Variants in GRID1 observed in about 807,000 individuals in gnomAD.
GRID1 encodes glutamate receptor ionotropic, delta-1.
A neutral mutation model predicts 98.0 loss-of-function variants in GRID1; 28 were observed. That is an observed-to-expected ratio of 0.29 (90% confidence interval 0.21 to 0.39). The LOEUF is 0.39. Ranked by LOEUF, GRID1 falls within the 10% of genes least tolerant of loss-of-function variation. The pLI, the probability that GRID1 is intolerant of heterozygous loss-of-function variation, is 1.00. For synonymous variants in GRID1, 553 were observed against 538.5 expected (o/e 1.03, Z -0.37); for missense variants, 1,111 against 1,340.5 (o/e 0.83, Z 2.67).
At chr10:86,347,574 A>G (rs1346382522) in intron 2 of GRID1, among the ~76,000 whole-genome samples, 1 of 152,212 alleles carries the variant, frequency 6.6e-6, no homozygotes, top group Admixed American at 6.5e-5. Flanking sequence ...CTCATTAGAC[A>G]TCAGCCTGCA....
intron 5 of GRID1, among the ~76,000 whole-genome samples, chr10:85,901,950 A>G (rs1841395141): frequency 6.6e-6 from 1 of 152,262 alleles, no homozygotes; most frequent in Non-Finnish European, 1.5e-5. Flanking sequence ...TGTGATTAAC[A>G]TATAGAAGTG....
At chr10:86,230,841 A>G (rs1402821266) in intron 2 of GRID1, among the ~76,000 whole-genome samples, 1 of 151,890 alleles carries the variant, frequency 6.6e-6, no homozygotes, top group Non-Finnish European at 1.5e-5. Context: ...TGTCCAACCC[A>G]TCTATCCATC....
At chr10:85,608,426 A>G (rs571214494) in intron 15 of GRID1, among the ~76,000 whole-genome samples, 1 of 152,340 alleles carries the variant, frequency 6.6e-6, no homozygotes, top group South Asian at 2.1e-4. Context: ...ATCCAGGTGC[A>G]ATGATTACAC....
intron 8 of GRID1, among the ~76,000 whole-genome samples, chr10:85,784,780 G>A (rs937295963): frequency 2.6e-5 from 4 of 152,218 alleles, no homozygotes; most frequent in Non-Finnish European, 4.4e-5. Flanking sequence ...TAAGGACGAG[G>A]TGTGCATGCT....
intron 4 of GRID1, among the ~76,000 whole-genome samples, chr10:86,044,252 C>T (rs1044214512): frequency 6.6e-6 from 1 of 152,270 alleles, no homozygotes; most frequent in African/African-American, 2.4e-5. Flanking sequence ...CATTTCATTG[C>T]ATTGTTTATT....
intron 4 of GRID1, among the ~76,000 whole-genome samples, chr10:86,062,526 A>G (rs1843663787): frequency 6.6e-6 from 1 of 152,076 alleles, no homozygotes; most frequent in Non-Finnish European, 1.5e-5. Context: ...CTTGTACCAG[A>G]ACCCTCATTT....
chr10:85,752,077 A>G (rs1480243597), intron 8 of GRID1, among the ~76,000 whole-genome samples: 1 of 152,152 alleles, frequency 6.6e-6, no homozygotes, highest in Non-Finnish European at 1.5e-5. Context: ...GAATAGACAA[A>G]CTGTAGAAAG....
At chr10:86,356,711 A>T (rs557403497) in intron 2 of GRID1, among the ~76,000 whole-genome samples, 1 of 152,348 alleles carries the variant, frequency 6.6e-6, no homozygotes, top group South Asian at 2.1e-4. Context: ...GTCTCCCCTG[A>T]CTCATACAAC....
intron 2 of GRID1, among the ~76,000 whole-genome samples, chr10:86,298,579 T>C (rs1847629840): frequency 6.6e-6 from 1 of 152,172 alleles, no homozygotes; most frequent in Admixed American, 6.5e-5. Flanking sequence ...GCTTCTACTG[T>C]GCTTCTCCTG....
chr10:86,189,718 C>A (rs550778837), intron 3 of GRID1, among the ~76,000 whole-genome samples: 8 of 152,226 alleles, frequency 5.3e-5, no homozygotes, highest in Admixed American at 2.0e-4. Flanking sequence ...TATCAGCATC[C>A]CTGGCCTCTA....
intron 4 of GRID1, among the ~76,000 whole-genome samples, chr10:86,065,860 T>C (rs1197146605): frequency 6.6e-6 from 1 of 152,214 alleles, no homozygotes; most frequent in Non-Finnish European, 1.5e-5. Flanking sequence ...CTCAAGATCC[T>C]TCTAGATGTG....
intron 13 of GRID1, among the ~76,000 whole-genome samples, chr10:85,628,952 C>T (rs1308868708): frequency 2.0e-5 from 3 of 152,060 alleles, no homozygotes; most frequent in Non-Finnish European, 4.4e-5. Context: ...ATGAGGGCAG[C>T]CCTTAGCTTT....
chr10:86,305,709 C>G (rs1355952425), intron 2 of GRID1, among the ~76,000 whole-genome samples: 1 of 152,158 alleles, frequency 6.6e-6, no homozygotes, highest in Non-Finnish European at 1.5e-5. Context: ...AAGGTCTTCC[C>G]CTGGGGCCAG....
At chr10:86,043,902 T>C (rs1843383162) in intron 4 of GRID1, among the ~76,000 whole-genome samples, 1 of 152,154 alleles carries the variant, frequency 6.6e-6, no homozygotes, top group Non-Finnish European at 1.5e-5. Flanking sequence ...CAAATTTTAG[T>C]GATGATTAAT....
intron 2 of GRID1, among the ~76,000 whole-genome samples, chr10:86,318,179 C>T (rs1210780809): frequency 1.3e-5 from 2 of 152,226 alleles, no homozygotes; most frequent in African/African-American, 2.4e-5. Context: ...CCCCTCCAGG[C>T]AGGCAGGAAA....
At chr10:86,336,629 G>A (rs1848225488) in intron 2 of GRID1, among the ~76,000 whole-genome samples, 1 of 152,206 alleles carries the variant, frequency 6.6e-6, no homozygotes, top group African/African-American at 2.4e-5. Context: ...CACCCAGTAG[G>A]CTCCAGGGCT....
chr10:85,614,655 A>G (rs1166884590), intron 14 of GRID1, among the ~76,000 whole-genome samples: 1 of 152,188 alleles, frequency 6.6e-6, no homozygotes, highest in East Asian at 1.9e-4. Context: ...AAGAAGCAGA[A>G]AAATGGCCAG....
chr10:86,035,099 A>G (rs1384816730), intron 4 of GRID1, among the ~76,000 whole-genome samples: 1 of 152,120 alleles, frequency 6.6e-6, no homozygotes, highest in Non-Finnish European at 1.5e-5. Context: ...TGTCTTTGGG[A>G]CAAGATCTCT....
chr10:85,613,712 G>T (rs992559580), intron 14 of GRID1, 65 bp from the exon 15 acceptor site: 2 of 1,560,000 alleles, frequency 1.3e-6, no homozygotes, highest in African/African-American at 2.7e-5. Flanking sequence ...CGGGGCCCTG[G>T]CCCCTGCCCC....
Sources: allele counts gnomAD v4.1 joint callset (sites outside exome capture counted in the v4.1 genomes callset), GRCh38; gene constraint gnomAD v4.1.1; transcripts MANE v1.5; gene names NCBI Gene and HGNC (gene_info 2026-07-23, HGNC 2026-07-21).